RIPOR2: variants seen among roughly 807,000 people sequenced by gnomAD.
The protein encoded by RIPOR2 is rho family-interacting cell polarization regulator 2.
Under a neutral mutation model 114.5 loss-of-function variants are expected in RIPOR2, and 39 were observed. The ratio of observed to expected loss-of-function variants is 0.34; its 90% confidence interval spans 0.26 to 0.44. The LOEUF (loss-of-function observed/expected upper bound fraction) is 0.44, where lower values mean the gene tolerates loss of function less well. RIPOR2 is among the 20% of genes least tolerant of loss of function. The probability of loss-of-function intolerance (pLI) is 1.00; values close to 1 mark genes in which losing one functional copy is unlikely to be tolerated. For missense variants in RIPOR2, 1,007 were observed against 1,255.1 expected (o/e 0.80, Z 2.99); for synonymous variants, 445 against 484.4 (o/e 0.92, Z 1.07).
At chr6:24,844,978 T>C (rs11962939) in intron 12 of RIPOR2, among the ~76,000 whole-genome samples, 3,270 of 152,098 alleles carry the variant, frequency 0.021, 124 homozygotes, top group African/African-American at 0.071. Context: ...CTCCTCCAGC[T>C]GGGTCCCTGG....
chr6:24,913,096 A>G (rs915877081), intron 1 of RIPOR2, among the ~76,000 whole-genome samples: 2 of 151,606 alleles, frequency 1.3e-5, no homozygotes, highest in Non-Finnish European at 1.5e-5. Context: ...AACTTACCCT[A>G]TTGGGCTGAG....
At chr6:25,024,823 T>C (rs558148521) in intron 1 of RIPOR2, among the ~76,000 whole-genome samples, 3 of 152,364 alleles carry the variant, frequency 2.0e-5, no homozygotes, top group East Asian at 1.9e-4. Context: ...ATTTTGCCAA[T>C]GCTTTGCCTT....
At chr6:24,874,628 A>G (rs1765542341) in intron 2 of RIPOR2, among the ~76,000 whole-genome samples, 1 of 152,240 alleles carries the variant, frequency 6.6e-6, no homozygotes, top group African/African-American at 2.4e-5. Flanking sequence ...AAAACATCAT[A>G]GGAAGCTAAG....
At chr6:24,989,630 G>T (rs940247327) in intron 1 of RIPOR2, among the ~76,000 whole-genome samples, 2 of 152,126 alleles carry the variant, frequency 1.3e-5, no homozygotes, top group Admixed American at 1.3e-4. Context: ...TTTATAAAAT[G>T]AAAAAGATAT....
chr6:24,838,977 G>A, intron 14 of RIPOR2, 114 bp downstream of exon 14: 2 of 834,136 alleles, frequency 2.4e-6, no homozygotes, highest in Non-Finnish European at 3.7e-6. Flanking sequence ...GGTCACTCAT[G>A]TGGAGAGTTT....
intron 1 of RIPOR2, among the ~76,000 whole-genome samples, chr6:24,887,524 C>A (rs1237868870): frequency 6.6e-6 from 1 of 152,204 alleles, no homozygotes. Context: ...AGATATCTGA[C>A]TTTTATCAAA....
At chr6:24,983,141 C>T (rs1774371789) in intron 1 of RIPOR2, among the ~76,000 whole-genome samples, 1 of 151,750 alleles carries the variant, frequency 6.6e-6, no homozygotes, top group Admixed American at 6.6e-5. Context: ...CCCAAATAAA[C>T]TCTCTACTTA....
Position 24,880,173 on chromosome 6 carries a change from A to T in RIPOR2, c.62-4356T>A, listed in dbSNP as rs146573850. ...AATACCCAAATGCATGAAGAGGCAT[A>T]TACAGGGATATTCATCACAGGCAAT... is the stretch of plus-strand genomic sequence containing the variant. On this transcript the variant is annotated intron_variant, in intron 1 of 21. Transcript: ENST00000643898. Among the ~76,000 whole-genome samples, 179 of 152,390 alleles carry T rather than the reference A, an allele frequency of 1.2e-3. No homozygotes were observed. In the Middle Eastern group the frequency reaches 0.014, roughly 12 times the overall value.
rs1035016150 is a variant in RIPOR2 at position 24,858,087 on chromosome 6, C to A, written c.715+2886G>T. On this transcript the variant is annotated intron_variant, in intron 8 of 21. Transcript: ENST00000643898. The surrounding 1 kb of genome is among the most constrained non-coding windows in gnomAD (Gnocchi z 4.0). The stretch of plus-strand genomic sequence containing the variant: ...TCTCCCCAACTAGAGAGGTGAGTGG[C>A]AACCTTTTCCTCCTCTCCCCTCCTG... 2.2e-4 allele frequency among the ~76,000 whole-genome samples: 34 copies of A among 152,158 alleles called. No homozygotes were observed. The highest frequency in any genetic ancestry group is 8.0e-4 in the African/African-American group (33 of 41,436).
intron 8 of RIPOR2, among the ~76,000 whole-genome samples, chr6:24,856,137 G>T (rs1763450379): frequency 7.0e-6 from 1 of 142,374 alleles, no homozygotes; most frequent in Admixed American, 6.8e-5. Context: ...AAAGGTCCCC[G>T]GATGCTTAAA....
chr6:24,969,675 A>G (rs879321769), intron 1 of RIPOR2, among the ~76,000 whole-genome samples: 5 of 151,642 alleles, frequency 3.3e-5, no homozygotes, highest in Non-Finnish European at 7.4e-5. Flanking sequence ...GCTCTTTTTG[A>G]TTGGCCCTGC....
intron 1 of RIPOR2, among the ~76,000 whole-genome samples, chr6:25,008,538 G>A (rs1490519709): frequency 6.6e-6 from 1 of 152,236 alleles, no homozygotes; most frequent in African/African-American, 2.4e-5. Context: ...GTTAAGCCTT[G>A]TAAGATCCAT....
At chr6:25,005,958 G>A (rs1474173142) in intron 1 of RIPOR2, among the ~76,000 whole-genome samples, 1 of 151,642 alleles carries the variant, frequency 6.6e-6, no homozygotes, top group African/African-American at 2.4e-5. Flanking sequence ...ACAATTCTAT[G>A]CCCAGCACAA....
At chr6:24,996,193 A>T (rs139699086) in intron 1 of RIPOR2, among the ~76,000 whole-genome samples, 1 of 152,342 alleles carries the variant, frequency 6.6e-6, no homozygotes, top group African/African-American at 2.4e-5. Context: ...GACAAAGTGC[A>T]AACTACTTAT....
intron 1 of RIPOR2, chr6:25,031,100 G>T: frequency 6.6e-6 from 1 of 152,380 alleles, no homozygotes; most frequent in Non-Finnish European, 1.5e-5. Flanking sequence ...CTCTGTGTTT[G>T]ACCTGGGCCA....
chr6:25,019,147 G>T (rs1344270258), intron 1 of RIPOR2, among the ~76,000 whole-genome samples: 1 of 152,154 alleles, frequency 6.6e-6, no homozygotes, highest in East Asian at 1.9e-4. Context: ...GGAATTCATA[G>T]ATTTTTATAT....
intron 1 of RIPOR2, among the ~76,000 whole-genome samples, chr6:24,985,409 C>T (rs1774488009): frequency 6.6e-6 from 1 of 151,784 alleles, no homozygotes; most frequent in Non-Finnish European, 1.5e-5. Flanking sequence ...GAGAAGGCTG[C>T]AAGTGATCAA....
Position 24,854,941 on chromosome 6 carries a change from C to T in RIPOR2, c.716-2323G>A, listed in dbSNP as rs538148888. Among the ~76,000 whole-genome samples the T allele has an allele frequency of 1.4e-4, 20 of 147,040 alleles. No homozygotes were observed. In the South Asian group the frequency reaches 2.4e-3, roughly 17 times the overall value. On this transcript the variant is annotated intron_variant, in intron 8 of 21. Transcript: ENST00000643898. ...ACTCGGGAGGCTGAGGCAGGAGAATCGCTTGAACCTGGGAGGCGGGGGTTG... is the reference window on the plus strand; with the variant it reads ...ACTCGGGAGGCTGAGGCAGGAGAATTGCTTGAACCTGGGAGGCGGGGGTTG...
At position 24,843,468 on chromosome 6, in the gene RIPOR2, G is replaced by T. The variant is rs751574553; in HGVS notation, c.1251C>A (p.Asn417Lys). ...PLSLSFSDLP[N>K]GDCALTSHST... ...AGTGGGAGGTGAGGGCGCAGTCCCC[G>T]TTGGGCAGGTCACTGAAGCTGAGCG... The change falls in exon 13 of 22, where the codon AAC (asparagine) becomes AAA (lysine). Residue 417 changes from asparagine (N) to lysine (K), a missense_variant. Transcript: ENST00000643898. 9 of 1,600,364 alleles carry T rather than the reference G, an allele frequency of 5.6e-6. No individual in the cohort carries two copies. Among genetic ancestry groups the T allele is most frequent in the Non-Finnish European group, 7.7e-6 (9 of 1,169,914 alleles).
Sources: gnomAD v4.1 joint callset for allele counts (sites outside exome capture counted in the v4.1 genomes callset) on GRCh38, gnomAD v4.1.1 for gene constraint, Gnocchi (gnomAD v3.1) non-coding constraint, MANE v1.5 for transcripts, NCBI Gene and HGNC (gene_info 2026-07-23, HGNC 2026-07-21) for gene names.